The following ITSN2 variants were observed in gnomAD, a reference collection of about 807,000 sequenced individuals.
ITSN2 encodes intersectin 2.
A neutral mutation model predicts 243.7 loss-of-function variants in ITSN2; 156 were observed. The observed-to-expected ratio is 0.64, with a 90% CI of 0.56 to 0.73. The LOEUF (loss-of-function observed/expected upper bound fraction) is 0.73. Among genes scored for constraint, ITSN2 ranks in the 30% least tolerant of loss-of-function variants. ITSN2 has a pLI of 0.00. For synonymous variants in ITSN2, 703 were observed against 699.9 expected (o/e 1.00, Z -0.07); for missense variants, 1,801 against 1,996.1 (o/e 0.90, Z 1.86).
intron 10 of ITSN2, 93 bp from the exon 11 acceptor site, chr2:24,301,332 T>C (rs1208719849): frequency 1.5e-6 from 1 of 657,080 alleles, no homozygotes; most frequent in Non-Finnish European, 2.7e-6. Flanking sequence ...CAATTTGATA[T>C]TGGGAATACA....
At chr2:24,355,778 C>A (rs1404284790) in intron 1 of ITSN2, among the ~76,000 whole-genome samples, 1 of 152,346 alleles carries the variant, frequency 6.6e-6, no homozygotes, top group South Asian at 2.1e-4. Flanking sequence ...AAGAAACTAT[C>A]ATCAGGCTGG....
At position 24,210,872 on chromosome 2, in the gene ITSN2, A is replaced by G; in HGVS notation, c.4165T>C (p.Cys1389Arg). Residue 1389 changes from cysteine to arginine, a missense_variant, in exon 34 of 40, where the codon TGC becomes CGC. Transcript: ENST00000355123. ...CGAACTCCCTCATTCACTTGAGAGC[A>G]CAGCTCCTCTGCCCGCTCGAGGGCC... ...KLALERAEEL[C>R]SQVNEGVREK... 6.2e-7 allele frequency: 1 copy of G among 1,614,082 alleles called. No homozygotes were observed. The highest frequency in any genetic ancestry group is 8.5e-7 in the Non-Finnish European group (1 of 1,180,006).
chr2:24,284,648 T>C, intron 17 of ITSN2, 115 bp downstream of exon 17: 2 of 662,146 alleles, frequency 3.0e-6, no homozygotes, highest in Non-Finnish European at 2.7e-6. Context: ...AAGGCTTATA[T>C]TGTATATGTT....
At chr2:24,318,594 C>T (rs1320219409) in intron 2 of ITSN2, among the ~76,000 whole-genome samples, 1 of 152,162 alleles carries the variant, frequency 6.6e-6, no homozygotes, top group East Asian at 1.9e-4. Context: ...GGATTCATTG[C>T]TTATTAGCTG....
chr2:24,269,202 T>TGGAG (rs1324973276), intron 20 of ITSN2, among the ~76,000 whole-genome samples: 9 of 152,076 alleles, frequency 5.9e-5, no homozygotes, highest in African/African-American at 1.9e-4. Context: ...GCTCCATTAC[T>TGGAG]CTCATGTCTT....
chr2:24,271,689 C>G (rs1677364295), intron 19 of ITSN2, 77 bp downstream of exon 19: 1 of 1,412,864 alleles, frequency 7.1e-7, no homozygotes, highest in Admixed American at 2.7e-5. Flanking sequence ...TAATTTTCTT[C>G]CCTTTTTTTG....
At chr2:24,317,975 T>C (rs567272666) in intron 2 of ITSN2, among the ~76,000 whole-genome samples, 1 of 152,140 alleles carries the variant, frequency 6.6e-6, no homozygotes, top group Non-Finnish European at 1.5e-5. Flanking sequence ...TAGAGCAGTT[T>C]TAGGTTCACG....
In ITSN2 at chr2:24,210,775, C is replaced by T; in HGVS notation, c.4257+5G>A. On this transcript the variant is annotated splice_donor_5th_base_variant and intron_variant, in intron 34 of 39. Transcript: ENST00000355123. Reference sequence around the variant, plus strand: ...AGGCGCACGGCTTAACCACACAGGCCTGACCTCCGCGAGGCCTTCACACTG... The same window carrying T: ...AGGCGCACGGCTTAACCACACAGGCTTGACCTCCGCGAGGCCTTCACACTG... 6.2e-7 allele frequency: 1 copy of T among 1,613,180 alleles called. No individual in the cohort carries two copies. Among genetic ancestry groups the T allele is most frequent in the Non-Finnish European group, 8.5e-7 (1 of 1,179,582 alleles).
Position 24,211,036 on chromosome 2 carries a change from GT to G in ITSN2, c.4090-90del, listed in dbSNP as rs1558429436. 8.0e-7 allele frequency: 1 copy of G among 1,257,492 alleles called. No homozygotes were observed. The highest frequency in any genetic ancestry group is 1.5e-5 in the African/African-American group (1 of 67,682). 77.9% of individuals were successfully genotyped at this position (1,257,492 alleles called of 1,614,324 possible). A position where few individuals can be genotyped will look rare whatever the true frequency, so the allele number is the denominator to read the frequency against. ...CGCAGGACCGCTCCTCCAACCCCATGTTATGGACTGCTTCCATGCCCTGGAA... is the reference window on the plus strand; with the variant it reads ...CGCAGGACCGCTCCTCCAACCCCATGTATGGACTGCTTCCATGCCCTGGAA... On this transcript the variant is annotated intron_variant, in intron 33 of 39. Coordinates refer to ENST00000355123, the MANE Select transcript of ITSN2 (RefSeq NM_006277.3). This position sits in a 1 kb window ranked among gnomAD's most constrained non-coding sequence, Gnocchi z 4.1.
intron 1 of ITSN2, among the ~76,000 whole-genome samples, chr2:24,357,620 C>T (rs1319594706): frequency 6.6e-6 from 1 of 151,962 alleles, no homozygotes; most frequent in Non-Finnish European, 1.5e-5. Context: ...AATCGGCACA[C>T]AAGAAAGTCT....
At chr2:24,339,127 C>A (rs191790776) in intron 1 of ITSN2, among the ~76,000 whole-genome samples, 50 of 152,238 alleles carry the variant, frequency 3.3e-4, no homozygotes, top group Non-Finnish European at 6.0e-4. Flanking sequence ...ACCAAAACCA[C>A]TCCTACTCGT....
At position 24,309,155 on chromosome 2, in the gene ITSN2, T is replaced by C. The variant is rs555914774; in HGVS notation, c.654-399A>G. 1.2e-4 allele frequency among the ~76,000 whole-genome samples: 19 copies of C among 152,338 alleles called. No homozygotes were observed. The South Asian group carries it at 1.9e-3, about 15-fold the overall frequency. ...AAACCAGTCCCTGGTACCAAAAAGG[T>C]TGAGGATCGCTGTTACATACTATAA... On this transcript the variant is annotated intron_variant, in intron 7 of 39. Coordinates refer to ENST00000355123, the MANE Select transcript of ITSN2 (RefSeq NM_006277.3).
At chr2:24,290,056 TGTTA>T (rs1275131031) in intron 15 of ITSN2, among the ~76,000 whole-genome samples, 2 of 152,232 alleles carry the variant, frequency 1.3e-5, no homozygotes, top group Non-Finnish European at 2.9e-5. Flanking sequence ...ATACTCGTTC[TGTTA>T]TTTATGGAGA....
Position 24,359,384 on chromosome 2 carries a change from G to A in ITSN2, c.-34+920C>T, listed in dbSNP as rs1233279747. Among the ~76,000 whole-genome samples, 3 of 152,324 alleles carry A rather than the reference G, an allele frequency of 2.0e-5. No homozygotes were observed. The East Asian group carries it at 5.8e-4, about 29-fold the overall frequency. ...CAAACACTAGTGAGACAAACTAGAAGCATGGAGCAAAGCAAGTCATTTCTA... is the reference window on the plus strand; with the variant it reads ...CAAACACTAGTGAGACAAACTAGAAACATGGAGCAAAGCAAGTCATTTCTA... On this transcript the variant is annotated intron_variant, in intron 1 of 39. Coordinates refer to ENST00000355123, the MANE Select transcript of ITSN2 (RefSeq NM_006277.3).
intron 29 of ITSN2, among the ~76,000 whole-genome samples, chr2:24,223,152 A>G (rs1670642944): frequency 6.6e-6 from 1 of 152,350 alleles, no homozygotes; most frequent in East Asian, 1.9e-4. Context: ...AAGGCAACCA[A>G]GAAGGGCAGC....
intron 20 of ITSN2, among the ~76,000 whole-genome samples, chr2:24,270,386 C>T (rs764711035): frequency 2.4e-4 from 36 of 152,122 alleles, no homozygotes; most frequent in African/African-American, 3.1e-4. Context: ...GCAGAAACAA[C>T]GCTGGATTTG....
Position 24,203,463 on chromosome 2 carries a change from A to T in ITSN2, c.*163T>A. 1 of 652,532 alleles carries T rather than the reference A, an allele frequency of 1.5e-6. No homozygotes were observed. The allele number at this position is 652,532 out of a possible 1,614,324, so 40.4% of individuals were successfully genotyped here. ...TTCTTTATGGGAAAGGTGTTTGCAT[A>T]GATTGCTAGCTATTTAGTGTGCAGG... On this transcript the variant is annotated 3_prime_UTR_variant, in exon 40 of 40. Coordinates refer to ENST00000355123, the MANE Select transcript of ITSN2 (RefSeq NM_006277.3).
intron 1 of ITSN2, among the ~76,000 whole-genome samples, chr2:24,355,298 CT>C (rs1168091247): frequency 6.6e-6 from 1 of 152,188 alleles, no homozygotes; most frequent in Admixed American, 6.5e-5. Context: ...TATAAACATT[CT>C]TATTTTTCTA....
At chr2:24,215,822 ACT>A (rs1203323696) in intron 32 of ITSN2, among the ~76,000 whole-genome samples, 1 of 152,036 alleles carries the variant, frequency 6.6e-6, no homozygotes, top group Non-Finnish European at 1.5e-5. Flanking sequence ...AAAAAAAAAC[ACT>A]CTGCTATCAG....
Sources: allele counts gnomAD v4.1 joint callset (sites outside exome capture counted in the v4.1 genomes callset), GRCh38; gene constraint gnomAD v4.1.1; non-coding constraint Gnocchi (gnomAD v3.1); transcripts MANE v1.5; gene names NCBI Gene and HGNC (gene_info 2026-07-23, HGNC 2026-07-21).